Variants in CD96 observed in about 807,000 individuals in gnomAD.
CD96 encodes the protein CD96 molecule, also known as T-cell surface protein tactile.
In CD96, 70 loss-of-function variants were observed where a neutral mutation model predicts 71.3. That is an observed-to-expected ratio of 0.98 (90% CI 0.81 to 1.20). The LOEUF (loss-of-function observed/expected upper bound fraction) is 1.20, where lower values mean the gene tolerates loss of function less well. Ranked by LOEUF, CD96 falls within the 50% of genes most tolerant of loss-of-function variation. The probability of loss-of-function intolerance (pLI) is 0.00; values close to 1 mark genes in which losing one functional copy is unlikely to be tolerated. For missense variants in CD96, 742 were observed against 677.5 expected (o/e 1.10, Z -1.06); for synonymous variants, 248 against 233.0 (o/e 1.06, Z -0.59).
chr3:111,598,074 G>T (rs764185657), intron 5 of CD96, 46 bp from the exon 6 acceptor site: 4 of 861,540 alleles, frequency 4.6e-6, no homozygotes, highest in Non-Finnish European at 8.1e-6. Flanking sequence ...AGGAGTACCA[G>T]TTTCTTAGGA....
At chr3:111,623,528 T>G (rs935604315) in intron 8 of CD96, among the ~76,000 whole-genome samples, 10 of 152,158 alleles carry the variant, frequency 6.6e-5, no homozygotes, top group African/African-American at 2.4e-4. Flanking sequence ...ATATAATACA[T>G]TTAGAATTAG....
Position 111,570,745 on chromosome 3 carries a change from C to G in CD96, c.543+3098C>G. On this transcript the variant is annotated intron_variant, in intron 3 of 13. Transcript: ENST00000352690. Reference sequence around the variant, plus strand: ...GGGTTGATCTTGTCCAGATACTCTTCCTCCTCCTCCCCCTCCTCATCCTCT... The same window carrying G: ...GGGTTGATCTTGTCCAGATACTCTTGCTCCTCCTCCCCCTCCTCATCCTCT... 3.1e-6 allele frequency: 5 copies of G among 1,613,280 alleles called. No individual in the cohort carries two copies. The South Asian group carries it at 5.5e-5, about 18-fold the overall frequency.
At chr3:111,606,105 T>TCC (rs1937616146) in intron 7 of CD96, among the ~76,000 whole-genome samples, 1 of 151,740 alleles carries the variant, frequency 6.6e-6, no homozygotes, top group Admixed American at 6.6e-5. Flanking sequence ...CTGTTTCAAC[T>TCC]CCCCCCAACA....
At chr3:111,642,101 A>G (rs1939619325) in intron 12 of CD96, among the ~76,000 whole-genome samples, 1 of 152,230 alleles carries the variant, frequency 6.6e-6, no homozygotes, top group Non-Finnish European at 1.5e-5. Flanking sequence ...GAGAAACAAG[A>G]ACAAACTGAA....
chr3:111,630,313 T>C (rs539479945), intron 10 of CD96, among the ~76,000 whole-genome samples: 4 of 151,972 alleles, frequency 2.6e-5, no homozygotes, highest in African/African-American at 9.6e-5. Context: ...CAATCAGAAA[T>C]TATAAGAGGG....
At chr3:111,584,119 C>T (rs1279416546) in intron 4 of CD96, among the ~76,000 whole-genome samples, 7 of 152,270 alleles carry the variant, frequency 4.6e-5, no homozygotes, top group Admixed American at 2.0e-4. Context: ...TGCCAGACAC[C>T]CTAAATCATC....
intron 3 of CD96, among the ~76,000 whole-genome samples, chr3:111,570,292 A>G (rs1935916548): frequency 1.3e-5 from 2 of 152,060 alleles, no homozygotes; most frequent in African/African-American, 4.8e-5. Flanking sequence ...TTATAGGTCT[A>G]GGGTCTTCTT....
downstream of CD96, among the ~76,000 whole-genome samples, chr3:111,653,085 GC>G (rs1253115733): frequency 6.6e-6 from 1 of 152,114 alleles, no homozygotes; most frequent in African/African-American, 2.4e-5. Context: ...GATTTGTTTT[GC>G]AATGGAATAT....
intron 3 of CD96, among the ~76,000 whole-genome samples, chr3:111,577,193 T>C (rs1936257263): frequency 6.6e-6 from 1 of 152,190 alleles, no homozygotes; most frequent in African/African-American, 2.4e-5. Flanking sequence ...GTAACTGCTC[T>C]TTTTCCCACA....
At chr3:111,656,800 A>G (rs1460468441), downstream of CD96, among the ~76,000 whole-genome samples, 1 of 152,154 alleles carries the variant, frequency 6.6e-6, no homozygotes, top group Non-Finnish European at 1.5e-5. Flanking sequence ...AAGAAGGAAA[A>G]ATTAAAAAAA....
intron 5 of CD96, among the ~76,000 whole-genome samples, chr3:111,597,363 C>T (rs934071684): frequency 2.0e-5 from 3 of 152,106 alleles, no homozygotes; most frequent in Non-Finnish European, 4.4e-5. Flanking sequence ...ACATAACTAG[C>T]CCTGCATCTA....
intron 10 of CD96, among the ~76,000 whole-genome samples, chr3:111,631,648 T>A (rs1353508520): frequency 1.3e-5 from 2 of 149,852 alleles, no homozygotes; most frequent in African/African-American, 4.9e-5. Context: ...AAAAACTATT[T>A]TAAAAGAGCC....
intron 12 of CD96, among the ~76,000 whole-genome samples, chr3:111,638,668 C>T (rs1182951033): frequency 1.3e-5 from 2 of 152,154 alleles, no homozygotes; most frequent in Non-Finnish European, 2.9e-5. Flanking sequence ...TTAGGACCCT[C>T]CTAATGAAGG....
At chr3:111,561,430 C>G (rs919115207) in intron 2 of CD96, among the ~76,000 whole-genome samples, 2 of 140,332 alleles carry the variant, frequency 1.4e-5, no homozygotes, top group African/African-American at 2.5e-5. Flanking sequence ...TTCTAACAGA[C>G]AGGACCCTCA....
intron 3 of CD96, among the ~76,000 whole-genome samples, chr3:111,572,357 C>G (rs1013504517): frequency 1.3e-5 from 2 of 152,172 alleles, no homozygotes; most frequent in Non-Finnish European, 2.9e-5. Context: ...TGAACTTGCT[C>G]TCAAATTCTT....
chr3:111,598,276 T>C (rs1937348509), intron 6 of CD96, 66 bp downstream of exon 6: 3 of 786,892 alleles, frequency 3.8e-6, no homozygotes, highest in South Asian at 2.7e-5. Context: ...ACATTAGAAA[T>C]TGTCATTGCC....
rs1186849112 is a variant in CD96 at position 111,591,399 on chromosome 3, A to C, written c.807+6021A>C. On this transcript the variant is annotated intron_variant, in intron 5 of 13. Transcript: ENST00000352690. ...AAAAAAAAAAAAAAAAAAAAAAGACACCAGAACCTAAATACCACACTGGTT... is the reference window on the plus strand; with the variant it reads ...AAAAAAAAAAAAAAAAAAAAAAGACCCCAGAACCTAAATACCACACTGGTT... 2.0e-5 allele frequency among the ~76,000 whole-genome samples: 3 copies of C among 146,958 alleles called. No individual in the cohort carries two copies. The Admixed American group carries it at 2.0e-4, about 10-fold the overall frequency.
intron 2 of CD96, among the ~76,000 whole-genome samples, chr3:111,563,727 TTCA>T (rs1935567621): frequency 6.6e-6 from 1 of 152,222 alleles, no homozygotes; most frequent in Non-Finnish European, 1.5e-5. Context: ...AAAACATATA[TTCA>T]TCACTATTCC....
At chr3:111,594,325 G>A in intron 5 of CD96, 3 of 1,236,352 alleles carry the variant, frequency 2.4e-6, no homozygotes, top group South Asian at 1.6e-5. Flanking sequence ...CACAATAATG[G>A]CCAAAGTCTG....
Sources: allele counts gnomAD v4.1 joint callset (sites outside exome capture counted in the v4.1 genomes callset), GRCh38; gene constraint gnomAD v4.1.1; transcripts MANE v1.5; gene names NCBI Gene and HGNC (gene_info 2026-07-23, HGNC 2026-07-21).